The following DISC1 variants were observed in gnomAD, a reference collection of about 807,000 sequenced individuals.
DISC1 encodes disrupted in schizophrenia 1 protein.
DISC1 carries 57 observed loss-of-function variants against 84.5 expected under a neutral mutation model. The observed-to-expected ratio is 0.67, with a 90% CI of 0.55 to 0.84. The LOEUF (loss-of-function observed/expected upper bound fraction) is 0.84, where lower values mean the gene tolerates loss of function less well. DISC1 is among the 40% of genes least tolerant of loss of function. The pLI, the probability that DISC1 is intolerant of heterozygous loss-of-function variation, is 0.00. For synonymous variants in DISC1, 411 were observed against 415.2 expected (o/e 0.99, Z 0.12); for missense variants, 1,000 against 1,057.8 (o/e 0.95, Z 0.76).
chr1:231,694,949 G>C, intron 2 of DISC1, 144 bp downstream of exon 2: 1 of 1,191,248 alleles, frequency 8.4e-7, no homozygotes, highest in South Asian at 1.3e-5. Flanking sequence ...GGCTGCACAG[G>C]ATGTTGCTGC....
intron 11 of DISC1, among the ~76,000 whole-genome samples, chr1:232,010,320 G>C (rs1451568780): frequency 6.6e-6 from 1 of 152,146 alleles, no homozygotes; most frequent in African/African-American, 2.4e-5. Flanking sequence ...CTGGGGTGGA[G>C]GGAAGTGCCA....
At chr1:231,838,925 G>A (rs909636400) in intron 9 of DISC1, among the ~76,000 whole-genome samples, 1 of 152,208 alleles carries the variant, frequency 6.6e-6, no homozygotes, top group African/African-American at 2.4e-5. Context: ...GTGGAAGGGT[G>A]ACAAGATGTG....
chr1:231,888,915 C>T (rs201485188), intron 9 of DISC1, among the ~76,000 whole-genome samples: 3 of 152,124 alleles, frequency 2.0e-5, no homozygotes, highest in South Asian at 2.1e-4. Context: ...ATAGAATTCC[C>T]GATGAAGCCA....
At chr1:231,824,616 T>C (rs201999763) in intron 9 of DISC1, among the ~76,000 whole-genome samples, 4 of 152,140 alleles carry the variant, frequency 2.6e-5, no homozygotes, top group Non-Finnish European at 5.9e-5. Context: ...GCTAACTTTC[T>C]CCCTCCTTTA....
In DISC1 at chr1:231,693,977, C is replaced by T. The variant is rs201590659; in HGVS notation, c.219C>T (p.Gly73=). ...TLFRFPGGVS[G]EESHHSESRA... ...TCCGGTTCCCAGGAGGGGTGTCTGGCGAGGAGTCCCACCACTCGGAGTCCA... is the reference window on the plus strand; with the variant it reads ...TCCGGTTCCCAGGAGGGGTGTCTGGTGAGGAGTCCCACCACTCGGAGTCCA... The change falls in exon 2 of 13, where the codon GGC becomes GGT. Residue 73 remains glycine (G), a synonymous_variant. Coordinates refer to ENST00000439617, the MANE Select transcript of DISC1 (RefSeq NM_018662.3). The T allele has an allele frequency of 1.5e-5, 24 of 1,613,976 alleles. No homozygotes were observed. The highest frequency in any genetic ancestry group is 9.3e-5 in the African/African-American group (7 of 75,044).
chr1:231,913,565 G>A (rs897328118), intron 9 of DISC1, among the ~76,000 whole-genome samples: 1 of 152,186 alleles, frequency 6.6e-6, no homozygotes, highest in East Asian at 1.9e-4. Context: ...GTGGAAATGC[G>A]GGACAGGCAC....
chr1:231,768,091 G>A (rs1053283491), intron 5 of DISC1, among the ~76,000 whole-genome samples: 4 of 152,188 alleles, frequency 2.6e-5, no homozygotes, highest in African/African-American at 7.2e-5. Flanking sequence ...ACAAATCTGG[G>A]TGCAGCACTG....
chr1:232,010,321 G>A (rs1197122089), intron 11 of DISC1, among the ~76,000 whole-genome samples: 2 of 152,168 alleles, frequency 1.3e-5, no homozygotes, highest in African/African-American at 4.8e-5. Flanking sequence ...TGGGGTGGAG[G>A]GAAGTGCCAC....
rs1670669409 is a variant in DISC1, at chr1:232,038,901, C to T, written c.*2070C>T. 6.6e-6 allele frequency: 1 copy of T among 152,182 alleles called. No homozygotes were observed. The highest frequency in any genetic ancestry group is 2.4e-5 in the African/African-American group (1 of 41,434). The allele number at this position is 152,182 out of a possible 1,614,324, so 9.4% of individuals were successfully genotyped here. On this transcript the variant is annotated 3_prime_UTR_variant, in exon 13 of 13. Coordinates refer to ENST00000439617, the MANE Select transcript of DISC1 (RefSeq NM_018662.3). The stretch of plus-strand genomic sequence containing the variant: ...TCCAGAAGGCATCTGGTGCTTTGCT[C>T]AGCCTTCCATGCTGTGCAGCACTTC...
chr1:231,761,100 T>C (rs966982228), intron 4 of DISC1, among the ~76,000 whole-genome samples: 1 of 152,218 alleles, frequency 6.6e-6, no homozygotes, highest in African/African-American at 2.4e-5. Context: ...AAATTATTGA[T>C]GGAAAAGGCC....
chr1:231,953,469 C>T (rs1658851488), intron 9 of DISC1, among the ~76,000 whole-genome samples: 1 of 152,076 alleles, frequency 6.6e-6, no homozygotes, highest in South Asian at 2.1e-4. Context: ...GATTATGTTA[C>T]CTCTTCATCC....
Position 231,693,969 on chromosome 1 carries a change from G to A in DISC1, c.211G>A (p.Val71Met). 1.9e-6 allele frequency: 3 copies of A among 1,614,094 alleles called. No individual in the cohort carries two copies. In the South Asian group the frequency reaches 3.3e-5, roughly 18 times the overall value. ...CACACTGTTCCGGTTCCCAGGAGGG[G>A]TGTCTGGCGAGGAGTCCCACCACTC... is the stretch of plus-strand genomic sequence containing the variant. The part of the protein sequence containing the change: ...VGTLFRFPGG[V>M]SGEESHHSES... Residue 71 changes from valine (V) to methionine (M), a missense_variant, in exon 2 of 13, where the codon GTG becomes ATG. This residue lies in a region of DISC1 where 292 missense variants were observed against 280.2 expected (regional missense o/e 1.04). Coordinates refer to ENST00000439617, the MANE Select transcript of DISC1 (RefSeq NM_018662.3).
At chr1:232,022,865 A>G (rs1669095155) in intron 11 of DISC1, among the ~76,000 whole-genome samples, 1 of 152,284 alleles carries the variant, frequency 6.6e-6, no homozygotes, top group Middle Eastern at 3.4e-3. Context: ...TGTCAGACCA[A>G]CAAGTAGAGG....
chr1:231,933,520 C>T (rs1447999360), intron 9 of DISC1, among the ~76,000 whole-genome samples: 1 of 152,178 alleles, frequency 6.6e-6, no homozygotes, highest in Non-Finnish European at 1.5e-5. Flanking sequence ...TTTCTTTTCC[C>T]TCCACATGCC....
Position 231,644,848 on chromosome 1 carries a change from C to T in DISC1, c.67+17914C>T, listed in dbSNP as rs1292538729. 3.3e-5 allele frequency among the ~76,000 whole-genome samples: 5 copies of T among 151,908 alleles called. No homozygotes were observed. In the East Asian group the frequency reaches 9.7e-4, roughly 30 times the overall value. The stretch of plus-strand genomic sequence containing the variant: ...GAGATACTTGAAGTGGTCTTAGTTT[C>T]CCTGCATTTAGCACGTGGACTCTCT... On this transcript the variant is annotated intron_variant, in intron 1 of 12. Transcript: ENST00000439617.
chr1:231,763,079 G>A (rs1185824433), intron 4 of DISC1, among the ~76,000 whole-genome samples: 3 of 152,160 alleles, frequency 2.0e-5, no homozygotes, highest in Non-Finnish European at 4.4e-5. Context: ...CAATGGGTGT[G>A]TGTGGATGTG....
chr1:231,989,923 ATG>A (rs1308595888), intron 10 of DISC1, among the ~76,000 whole-genome samples: 1 of 152,094 alleles, frequency 6.6e-6, no homozygotes, highest in Non-Finnish European at 1.5e-5. Context: ...CTTTGAACCT[ATG>A]CAGTCTGGCT....
chr1:231,868,326 G>A (rs1246762562), intron 9 of DISC1, among the ~76,000 whole-genome samples: 2 of 151,444 alleles, frequency 1.3e-5, no homozygotes, highest in African/African-American at 2.4e-5. Flanking sequence ...CTCTTTCATC[G>A]TTTTCCTTTA....
chr1:231,661,468 C>T (rs763088138), intron 1 of DISC1, among the ~76,000 whole-genome samples: 1 of 152,046 alleles, frequency 6.6e-6, no homozygotes, highest in Non-Finnish European at 1.5e-5. Flanking sequence ...CTATTCTTGT[C>T]TGCCTGTCTT....
Sources: allele counts gnomAD v4.1 joint callset (sites outside exome capture counted in the v4.1 genomes callset), GRCh38; gene constraint gnomAD v4.1.1; regional missense constraint gnomAD v4.1.1; transcripts MANE v1.5; gene names NCBI Gene and HGNC (gene_info 2026-07-23, HGNC 2026-07-21).